Variants in RNF149 observed in about 807,000 individuals in gnomAD.
RNF149 encodes the protein E3 ubiquitin-protein ligase RNF149.
In RNF149, 21 loss-of-function variants were observed where a neutral mutation model predicts 39.0. The ratio of observed to expected loss-of-function variants is 0.54; its 90% CI spans 0.38 to 0.77. RNF149 has a LOEUF of 0.77. RNF149 is among the 30% of genes least tolerant of loss of function. The pLI, the probability that RNF149 is intolerant of heterozygous loss-of-function variation, is 0.00. For missense variants in RNF149, 493 were observed against 534.9 expected, an observed-to-expected ratio of 0.92 and a Z score of 0.77; for synonymous variants, 209 against 213.6, an observed-to-expected ratio of 0.98 and a Z score of 0.19.
intron 3 of RNF149, among the ~76,000 whole-genome samples, chr2:101,289,784 C>T: frequency 6.6e-6 from 1 of 152,024 alleles, no homozygotes; most frequent in East Asian, 1.9e-4. Flanking sequence ...TCAAGCAATC[C>T]TCCTGCCTCA....
intron 5 of RNF149, among the ~76,000 whole-genome samples, chr2:101,282,911 G>A (rs535892627): frequency 1.3e-5 from 2 of 151,872 alleles, no homozygotes; most frequent in Non-Finnish European, 2.9e-5. Flanking sequence ...GTAACGTAAC[G>A]CCCTCCCATC....
chr2:101,286,027 A>G, intron 5 of RNF149, 54 bp downstream of exon 5: 1 of 1,006,102 alleles, frequency 9.9e-7, no homozygotes, highest in East Asian at 2.4e-5. Flanking sequence ...ATGAAACTGA[A>G]TCACTCAGGA....
downstream of RNF149, among the ~76,000 whole-genome samples, chr2:101,275,421 C>T (rs1682300621): frequency 1.0e-5 from 1 of 98,096 alleles, no homozygotes. Context: ...CCGGCCCTCC[C>T]CTAGTATTTC....
rs1433291945 is a variant in RNF149 at position 101,308,695 on chromosome 2, C to A, written c.-107G>T. ...CCACCGCCGCCCTGGAAGACTGAGG[C>A]GGGGTCGGGGCCGCTGCGCACGCGC... On this transcript the variant is annotated 5_prime_UTR_variant, in exon 1 of 7. Transcript: ENST00000295317. 3 of 1,076,516 alleles carry A rather than the reference C, an allele frequency of 2.8e-6. No homozygotes were observed. The South Asian group carries it at 5.3e-5, about 19-fold the overall frequency. The allele number at this position is 1,076,516 out of a possible 1,614,324, so 66.7% of individuals were successfully genotyped here. A position where few individuals can be genotyped will look rare whatever the true frequency, so the allele number is the denominator to read the frequency against.
In RNF149 at chr2:101,308,638, G is replaced by A. The variant is rs964634536; in HGVS notation, c.-50C>T. On this transcript the variant is annotated 5_prime_UTR_variant, in exon 1 of 7. Coordinates refer to ENST00000295317, the MANE Select transcript of RNF149 (RefSeq NM_173647.4). ...GGGAGTCAGGGTCACGCGCGAGTGC[G>A]GTGCAGTCGAAGAGCAGAGAGAAGC... The A allele has an allele frequency of 5.6e-6, 8 of 1,426,364 alleles. No individual in the cohort carries two copies. Among genetic ancestry groups the A allele is most frequent in the Admixed American group, 2.8e-5 (1 of 36,098 alleles). The allele number at this position is 1,426,364 out of a possible 1,614,324, so 88.4% of individuals were successfully genotyped here.
chr2:101,304,687 A>G (rs1056812012), intron 1 of RNF149, among the ~76,000 whole-genome samples: 4 of 152,198 alleles, frequency 2.6e-5, no homozygotes, highest in African/African-American at 9.7e-5. Context: ...GTTCAGACAA[A>G]AAAATTCCAG....
intron 5 of RNF149, among the ~76,000 whole-genome samples, chr2:101,285,201 A>C (rs550612115): frequency 6.6e-6 from 1 of 152,222 alleles, no homozygotes; most frequent in Non-Finnish European, 1.5e-5. Context: ...TCCAGCCTAA[A>C]ATTGTTTATC....
chr2:101,291,058 C>G (rs1452052421), intron 3 of RNF149, among the ~76,000 whole-genome samples: 1 of 152,208 alleles, frequency 6.6e-6, no homozygotes, highest in Non-Finnish European at 1.5e-5. Context: ...CACAGTTACA[C>G]TGTTCTTATG....
chr2:101,292,519 A>C (rs566023417), intron 3 of RNF149, among the ~76,000 whole-genome samples: 34 of 152,018 alleles, frequency 2.2e-4, no homozygotes, highest in South Asian at 4.2e-4. Context: ...GTAATCCCAG[A>C]ACTTTGGGAG....
chr2:101,308,443 G>A lies in RNF149; in HGVS notation c.146C>T (p.Pro49Leu). 2 of 1,611,588 alleles carry A rather than the reference G, an allele frequency of 1.2e-6. No individual in the cohort carries two copies. Among genetic ancestry groups the A allele is most frequent in the South Asian group, 2.2e-5 (2 of 90,974 alleles). ...SAVVNIEYVDPQTNLTVWSVS... is the reference protein window; with the variant it reads ...SAVVNIEYVDLQTNLTVWSVS... The stretch of plus-strand genomic sequence containing the variant: ...GCTCCACACCGTCAGGTTGGTCTGC[G>A]GGTCCACGTACTCGATGTTTACCAC... The change falls in exon 1 of 7, where the codon CCG (proline) becomes CTG (leucine). Residue 49 changes from proline to leucine, a missense_variant. Coordinates refer to ENST00000295317, the MANE Select transcript of RNF149 (RefSeq NM_173647.4).
At chr2:101,273,235 AG>A, downstream of RNF149, 1 of 801,080 alleles carries the variant, frequency 1.2e-6, no homozygotes, top group Non-Finnish European at 1.9e-6. Context: ...GACAGCAGGC[AG>A]GGGGCTGCGG....
chr2:101,280,201 A>AATG lies in RNF149; in HGVS notation c.1159+1655_1159+1657dup, dbSNP rs145553391. 1.3e-3 allele frequency among the ~76,000 whole-genome samples: 197 copies of AATG among 146,564 alleles called. 1 individual carries two copies. The highest frequency in any genetic ancestry group is 3.2e-3 in the Admixed American group (47 of 14,700). ...AAATAATAATAATAATAATAATAAT[A>AATG]ATGATGATGATGATGATAATGTAGA... On this transcript the variant is annotated intron_variant, in intron 6 of 6. Coordinates refer to ENST00000295317, the MANE Select transcript of RNF149 (RefSeq NM_173647.4).
chr2:101,291,880 T>C (rs1168215615), intron 3 of RNF149, among the ~76,000 whole-genome samples: 1 of 152,218 alleles, frequency 6.6e-6, no homozygotes, highest in Admixed American at 6.5e-5. Context: ...AGAAAATCCA[T>C]GTACAGCTGC....
intron 5 of RNF149, among the ~76,000 whole-genome samples, chr2:101,283,562 AG>A (rs1251133228): frequency 6.6e-6 from 1 of 152,168 alleles, no homozygotes; most frequent in East Asian, 1.9e-4. Flanking sequence ...ACACTGCAGG[AG>A]GGGGTCAACA....
At chr2:101,293,895 G>GTAGAC (rs1558788120) in intron 3 of RNF149, 119 bp downstream of exon 3, 1 of 626,528 alleles carries the variant, frequency 1.6e-6, no homozygotes, top group African/African-American at 1.9e-5. Flanking sequence ...TATTAATGCA[G>GTAGAC]GTCTAGAAGG....
chr2:101,284,165 A>G (rs1280495655), intron 5 of RNF149, among the ~76,000 whole-genome samples: 1 of 152,242 alleles, frequency 6.6e-6, no homozygotes, highest in African/African-American at 2.4e-5. Context: ...AAATTCTAGA[A>G]GAGAGACAAA....
intron 1 of RNF149, among the ~76,000 whole-genome samples, chr2:101,296,696 C>G (rs147517123): frequency 1.4e-4 from 21 of 152,014 alleles, no homozygotes; most frequent in African/African-American, 5.1e-4. Context: ...TCACAACTTA[C>G]GCCAAAATAA....
chr2:101,294,473 G>C, intron 2 of RNF149: 1 of 206,546 alleles, frequency 4.8e-6, no homozygotes, highest in South Asian at 7.8e-5. Context: ...AAAGGTAAAG[G>C]CCTCTTCCTA....
intron 1 of RNF149, among the ~76,000 whole-genome samples, chr2:101,301,689 T>G (rs1458315248): frequency 6.6e-6 from 1 of 152,018 alleles, no homozygotes; most frequent in Non-Finnish European, 1.5e-5. Context: ...ACTTCTGTTT[T>G]TTTGTTTGTT....
Sources: gnomAD v4.1 joint callset for allele counts (sites outside exome capture counted in the v4.1 genomes callset) on GRCh38, gnomAD v4.1.1 for gene constraint, MANE v1.5 for transcripts, NCBI Gene and HGNC (gene_info 2026-07-23, HGNC 2026-07-21) for gene names.